RALGAPA2: variants seen among roughly 807,000 people sequenced by gnomAD.
RALGAPA2 encodes the protein Ral GTPase activating protein catalytic subunit alpha 2.
RALGAPA2 carries 139 observed loss-of-function variants against 230.4 expected under a neutral mutation model. The observed-to-expected ratio is 0.60, with a 90% CI of 0.53 to 0.69. RALGAPA2 has a LOEUF of 0.69. RALGAPA2 is among the 30% of genes least tolerant of loss of function. RALGAPA2 has a pLI of 0.00. For missense variants in RALGAPA2, 2,163 were observed against 2,276.0 expected (o/e 0.95, Z 1.01); for synonymous variants, 847 against 837.8 (o/e 1.01, Z -0.19).
At position 20,438,777 on chromosome 20, in the gene RALGAPA2, T is replaced by TA. The variant is rs2060669988; in HGVS notation, c.5496-26630_5496-26629insT. On this transcript the variant is annotated intron_variant, in intron 37 of 39. Coordinates refer to ENST00000202677, the MANE Select transcript of RALGAPA2 (RefSeq NM_020343.4). Reference sequence around the variant, plus strand: ...TCAGACTAAAAGACGGACTAATTATTTATATATATGTATTTCCCCCCAAAC... The same window carrying TA: ...TCAGACTAAAAGACGGACTAATTATTATATATATATGTATTTCCCCCCAAAC... Among the ~76,000 whole-genome samples, 3 of 152,238 alleles carry TA rather than the reference T, an allele frequency of 2.0e-5. No homozygotes were observed. In the South Asian group the frequency reaches 6.2e-4, roughly 31 times the overall value.
At chr20:20,706,833 C>A (rs1423702140) in intron 1 of RALGAPA2, among the ~76,000 whole-genome samples, 1 of 152,246 alleles carries the variant, frequency 6.6e-6, no homozygotes, top group Non-Finnish European at 1.5e-5. Flanking sequence ...AGCTTTCCCA[C>A]TTGCTGGCAG....
chr20:20,473,103 T>A, intron 36 of RALGAPA2, 147 bp from the exon 37 acceptor site: 1 of 792,656 alleles, frequency 1.3e-6, no homozygotes, highest in Non-Finnish European at 1.9e-6. Context: ...GACACAGGTC[T>A]AGGGCTTTCA....
chr20:20,712,548 AGGGTCG>A lies in RALGAPA2; in HGVS notation c.-74_-69del. ...GCCTGCGCCACGCGAATCAAAGCAT[AGGGTCG>A]AGGCCGGCGCGTGTCGCGCGGGCCA... On this transcript the variant is annotated 5_prime_UTR_variant, in exon 1 of 40. Transcript: ENST00000202677. This position sits in a 1 kb window ranked among gnomAD's most constrained non-coding sequence, Gnocchi z 5.5. 1 of 1,451,990 alleles carries A rather than the reference AGGGTCG, an allele frequency of 6.9e-7. No individual in the cohort carries two copies. The highest frequency in any genetic ancestry group is 9.1e-7 in the Non-Finnish European group (1 of 1,104,596). 89.9% of individuals were successfully genotyped at this position (1,451,990 alleles called of 1,614,324 possible).
intron 36 of RALGAPA2, among the ~76,000 whole-genome samples, chr20:20,493,409 T>G (rs1268623915): frequency 6.6e-6 from 1 of 152,230 alleles, no homozygotes; most frequent in Non-Finnish European, 1.5e-5. Flanking sequence ...TCAGAATTTA[T>G]AGCCAAATTC....
chr20:20,663,828 G>A (rs895239508), intron 3 of RALGAPA2, among the ~76,000 whole-genome samples: 1 of 152,204 alleles, frequency 6.6e-6, no homozygotes, highest in African/African-American at 2.4e-5. Context: ...CTGGCCTCAA[G>A]CAATCCACCT....
intron 38 of RALGAPA2, among the ~76,000 whole-genome samples, chr20:20,400,009 T>TG (rs1225458569): frequency 6.6e-6 from 1 of 152,208 alleles, no homozygotes; most frequent in African/African-American, 2.4e-5. Context: ...AGAGAAACAG[T>TG]GGACTAGGGC....
At chr20:20,535,654 G>C in intron 26 of RALGAPA2, 91 bp downstream of exon 26, 1 of 1,468,976 alleles carries the variant, frequency 6.8e-7, no homozygotes, top group Non-Finnish European at 9.0e-7. Context: ...CTATGTGAAA[G>C]AATAAGTGTT....
chr20:20,462,975 A>G (rs981194189), intron 37 of RALGAPA2, among the ~76,000 whole-genome samples: 2 of 152,224 alleles, frequency 1.3e-5, no homozygotes, highest in African/African-American at 4.8e-5. Flanking sequence ...TGGGACTGAT[A>G]ATTAGTAAAC....
intron 16 of RALGAPA2, among the ~76,000 whole-genome samples, chr20:20,600,347 A>C (rs1256107383): frequency 6.6e-6 from 1 of 152,210 alleles, no homozygotes; most frequent in Non-Finnish European, 1.5e-5. Flanking sequence ...AGTTTTTAGG[A>C]ATTGGAATGA....
At position 20,495,139 on chromosome 20, in the gene RALGAPA2, A is replaced by G; in HGVS notation, c.5345T>C (p.Ile1782Thr). The change falls in exon 36 of 40, where the codon ATC becomes ACC. Residue 1782 changes from isoleucine (I) to threonine (T), a missense_variant. Physicochemically the swap from Ile to Thr is moderately conservative, Grantham distance 89 (BLOSUM62 -1). Coordinates refer to ENST00000202677, the MANE Select transcript of RALGAPA2 (RefSeq NM_020343.4). ...IYPMKNHMFF[I>T]AITKKPEVPF... ...TACCTCAGGTTTCTTCGTTATCGCG[A>G]TGAAGAACATGTGATTCTTCATTGG... The G allele has an allele frequency of 6.2e-7, 1 of 1,608,356 alleles. No individual in the cohort carries two copies.
intron 3 of RALGAPA2, among the ~76,000 whole-genome samples, chr20:20,663,114 G>A (rs2146687552): frequency 1.3e-5 from 2 of 152,320 alleles, no homozygotes; most frequent in Middle Eastern, 3.4e-3. Context: ...TGAGGTGAGT[G>A]AGGGAGAGAG....
At chr20:20,660,881 A>G (rs2067753939) in intron 3 of RALGAPA2, among the ~76,000 whole-genome samples, 1 of 152,086 alleles carries the variant, frequency 6.6e-6, no homozygotes, top group African/African-American at 2.4e-5. Context: ...TGTTGAACAA[A>G]GGTTATTATG....
intron 39 of RALGAPA2, among the ~76,000 whole-genome samples, chr20:20,393,525 G>A (rs1392610768): frequency 6.6e-6 from 1 of 152,184 alleles, no homozygotes; most frequent in Non-Finnish European, 1.5e-5. Flanking sequence ...CAATTCATAA[G>A]TAAAGAATGA....
intron 37 of RALGAPA2, among the ~76,000 whole-genome samples, chr20:20,452,689 T>C (rs936211853): frequency 6.6e-6 from 1 of 152,244 alleles, no homozygotes; most frequent in African/African-American, 2.4e-5. Flanking sequence ...TCGGCCGGCA[T>C]GTTCCCACAA....
intron 36 of RALGAPA2, among the ~76,000 whole-genome samples, chr20:20,493,551 C>A (rs960008645): frequency 2.6e-5 from 4 of 152,002 alleles, no homozygotes; most frequent in African/African-American, 9.7e-5. Context: ...ATTAAAATGG[C>A]TTGCATGTTT....
chr20:20,557,989 A>C (rs2064137089), intron 23 of RALGAPA2, among the ~76,000 whole-genome samples: 1 of 152,096 alleles, frequency 6.6e-6, no homozygotes, highest in Non-Finnish European at 1.5e-5. Flanking sequence ...TATAGTGCAC[A>C]GTACTATTTT....
At chr20:20,698,385 T>C (rs953740763) in intron 1 of RALGAPA2, among the ~76,000 whole-genome samples, 1 of 151,850 alleles carries the variant, frequency 6.6e-6, no homozygotes, top group African/African-American at 2.4e-5. Flanking sequence ...TTTTGGTTTT[T>C]GGTTTCTTTG....
chr20:20,484,213 A>C (rs1452196491), intron 36 of RALGAPA2, among the ~76,000 whole-genome samples: 1 of 152,268 alleles, frequency 6.6e-6, no homozygotes, highest in Non-Finnish European at 1.5e-5. Flanking sequence ...AAACAATAGT[A>C]GTCACATTAT....
At chr20:20,503,265 C>A in intron 35 of RALGAPA2, 86 bp downstream of exon 35, 1 of 1,208,740 alleles carries the variant, frequency 8.3e-7, no homozygotes, top group Non-Finnish European at 1.1e-6. Context: ...TCTCAGTGTG[C>A]GTTCTACCCT....
Sources: gnomAD v4.1 joint callset for allele counts (sites outside exome capture counted in the v4.1 genomes callset) on GRCh38, gnomAD v4.1.1 for gene constraint, Gnocchi (gnomAD v3.1) non-coding constraint, MANE v1.5 for transcripts, NCBI Gene and HGNC (gene_info 2026-07-23, HGNC 2026-07-21) for gene names.